The following SCLT1 variants were observed in gnomAD, a reference collection of about 807,000 sequenced individuals.
SCLT1 encodes sodium channel-associated protein 1.
In SCLT1, 78 loss-of-function variants were observed where a neutral mutation model predicts 112.8. The observed-to-expected ratio is 0.69, with a 90% CI of 0.58 to 0.83. The LOEUF is 0.83. Among genes scored for constraint, SCLT1 ranks in the 40% least tolerant of loss-of-function variants. The pLI is 0.00. For synonymous variants in SCLT1, 257 were observed against 254.7 expected (o/e 1.01, Z -0.09); for missense variants, 747 against 770.4 (o/e 0.97, Z 0.36).
At chr4:128,952,283 C>T (rs938040614) in intron 14 of SCLT1, 10 of 454,490 alleles carry the variant, frequency 2.2e-5, no homozygotes, top group Middle Eastern at 3.2e-4. Flanking sequence ...CTCCTATAAG[C>T]AAGGTTATTA....
intron 12 of SCLT1, among the ~76,000 whole-genome samples, chr4:128,958,375 T>C (rs1739390646): frequency 6.6e-6 from 1 of 152,276 alleles, no homozygotes; most frequent in African/African-American, 2.4e-5. Flanking sequence ...GGGAGAACCT[T>C]TGACTTTGAA....
intron 5 of SCLT1, among the ~76,000 whole-genome samples, chr4:129,018,938 T>C (rs1745218469): frequency 6.6e-6 from 1 of 152,148 alleles, no homozygotes. Flanking sequence ...TGATTAAATT[T>C]TTTAAAAAGA....
intron 18 of SCLT1, among the ~76,000 whole-genome samples, chr4:128,899,218 C>A (rs1474748915): frequency 6.6e-6 from 1 of 151,924 alleles, no homozygotes; most frequent in Non-Finnish European, 1.5e-5. Flanking sequence ...AGAGACACAA[C>A]AAAAAAAGAG....
At chr4:129,074,431 T>C (rs1443091547) in intron 2 of SCLT1, among the ~76,000 whole-genome samples, 2 of 152,128 alleles carry the variant, frequency 1.3e-5, no homozygotes, top group East Asian at 1.9e-4. Context: ...TAGAAAATCT[T>C]TGAAAGAATA....
intron 5 of SCLT1, among the ~76,000 whole-genome samples, chr4:129,007,472 C>T (rs1023424551): frequency 2.6e-5 from 4 of 152,182 alleles, no homozygotes; most frequent in South Asian, 2.1e-4. Context: ...AATATAATTT[C>T]GTATCATTAT....
intron 16 of SCLT1, among the ~76,000 whole-genome samples, chr4:128,945,621 A>G (rs1579457951): frequency 6.6e-6 from 1 of 152,272 alleles, no homozygotes; most frequent in East Asian, 1.9e-4. Context: ...TTATCATTTT[A>G]TAGATAATAA....
intron 19 of SCLT1, among the ~76,000 whole-genome samples, chr4:128,889,134 A>C (rs1403582520): frequency 6.6e-6 from 1 of 152,192 alleles, no homozygotes; most frequent in Admixed American, 6.5e-5. Flanking sequence ...GGGTGGGATG[A>C]ACTGTTTCTG....
chr4:128,976,873 G>A (rs560371533), intron 9 of SCLT1, among the ~76,000 whole-genome samples: 1 of 152,182 alleles, frequency 6.6e-6, no homozygotes, highest in South Asian at 2.1e-4. Context: ...GGGAAGATGA[G>A]AAATAAGACT....
intron 18 of SCLT1, among the ~76,000 whole-genome samples, chr4:128,894,353 T>C (rs942087000): frequency 1.4e-5 from 2 of 143,986 alleles, no homozygotes; most frequent in Admixed American, 1.4e-4. Flanking sequence ...TGAAAGTTCA[T>C]TGAGTAAGTA....
intron 18 of SCLT1, among the ~76,000 whole-genome samples, chr4:128,896,003 A>G (rs1229805517): frequency 2.0e-5 from 3 of 152,236 alleles, no homozygotes; most frequent in Non-Finnish European, 2.9e-5. Flanking sequence ...GGCACCCGCC[A>G]TTGCCAAAGC....
chr4:129,028,772 T>C (rs536794490), intron 5 of SCLT1, among the ~76,000 whole-genome samples: 5 of 152,084 alleles, frequency 3.3e-5, no homozygotes. Flanking sequence ...TGTTGCAACC[T>C]ACTCATCTGA....
intron 5 of SCLT1, among the ~76,000 whole-genome samples, chr4:129,029,457 C>T (rs951577256): frequency 4.7e-5 from 7 of 149,092 alleles, no homozygotes; most frequent in Non-Finnish European, 8.9e-5. Context: ...TGTTCTCACT[C>T]ATAGGTGGGA....
chr4:129,059,636 T>C (rs1257566615), intron 2 of SCLT1, among the ~76,000 whole-genome samples: 1 of 152,198 alleles, frequency 6.6e-6, no homozygotes, highest in East Asian at 1.9e-4. Context: ...TATAGTATTC[T>C]TGGCTGATAT....
chr4:129,081,880 T>C (rs1751972637), intron 2 of SCLT1, among the ~76,000 whole-genome samples: 1 of 152,200 alleles, frequency 6.6e-6, no homozygotes, highest in African/African-American at 2.4e-5. Context: ...AATTATACCT[T>C]TCTGGCTAAA....
chr4:128,875,419 A>G (rs1023104158), intron 4 of SCLT1, among the ~76,000 whole-genome samples: 3 of 152,224 alleles, frequency 2.0e-5, no homozygotes, highest in Admixed American at 1.3e-4. Flanking sequence ...CTGAAAAATA[A>G]CGGTTTGAGT....
chr4:128,992,718 G>T (rs1162664357), intron 8 of SCLT1, among the ~76,000 whole-genome samples: 1 of 151,812 alleles, frequency 6.6e-6, no homozygotes, highest in Non-Finnish European at 1.5e-5. Context: ...CCCTTTATTG[G>T]CTGTCTTCTC....
chr4:128,896,642 T>A (rs1407664187), intron 18 of SCLT1, among the ~76,000 whole-genome samples: 3 of 152,048 alleles, frequency 2.0e-5, no homozygotes, highest in African/African-American at 7.2e-5. Context: ...GGAACGCAGC[T>A]CCTCACCAGC....
intron 7 of SCLT1, among the ~76,000 whole-genome samples, chr4:128,999,072 G>C (rs908984908): frequency 1.3e-5 from 2 of 151,952 alleles, no homozygotes; most frequent in African/African-American, 4.8e-5. Flanking sequence ...CTTGTCAATA[G>C]ACGTGTAAAG....
chr4:129,047,510 T>C (rs1382585616), intron 2 of SCLT1, among the ~76,000 whole-genome samples: 1 of 152,056 alleles, frequency 6.6e-6, no homozygotes, highest in Non-Finnish European at 1.5e-5. Context: ...TCCCTTTTCA[T>C]ATAAATTTTG....
Sources: gnomAD v4.1 joint callset for allele counts (sites outside exome capture counted in the v4.1 genomes callset) on GRCh38, gnomAD v4.1.1 for gene constraint, MANE v1.5 for transcripts, NCBI Gene and HGNC (gene_info 2026-07-23, HGNC 2026-07-21) for gene names.